Variants in LRP1B observed in about 807,000 individuals in gnomAD.
The protein encoded by LRP1B is low-density lipoprotein receptor-related protein 1B.
LRP1B carries 217 observed loss-of-function variants against 556.6 expected under a neutral mutation model. The observed-to-expected ratio is 0.39, with a 90% CI of 0.35 to 0.44. The LOEUF (loss-of-function observed/expected upper bound fraction) is 0.44. LRP1B is among the 20% of genes least tolerant of loss of function. The pLI, the probability that LRP1B is intolerant of heterozygous loss-of-function variation, is 1.00. For missense variants in LRP1B, 5,053 were observed against 5,620.8 expected (o/e 0.90, Z 3.23); for synonymous variants, 2,047 against 1,865.8 (o/e 1.10, Z -2.50).
At chr2:141,576,419 G>T (rs565280782) in intron 2 of LRP1B, among the ~76,000 whole-genome samples, 3 of 152,258 alleles carry the variant, frequency 2.0e-5, no homozygotes, top group African/African-American at 7.2e-5. Context: ...TGGACACAGA[G>T]AGGGGAACAA....
intron 55 of LRP1B, among the ~76,000 whole-genome samples, chr2:140,501,418 T>G (rs72899890): frequency 0.2 from 30,374 of 151,968 alleles, 3,658 homozygotes; most frequent in Non-Finnish European, 0.27. Context: ...CAGTATTGTC[T>G]CTGATCACTA....
chr2:141,227,409 T>C (rs1358200019), intron 6 of LRP1B, among the ~76,000 whole-genome samples: 1 of 152,242 alleles, frequency 6.6e-6, no homozygotes, highest in Non-Finnish European at 1.5e-5. Flanking sequence ...TTCTAGCTGC[T>C]GCCTAAGCCA....
At chr2:141,516,812 C>A (rs1314246051) in intron 2 of LRP1B, among the ~76,000 whole-genome samples, 1 of 150,948 alleles carries the variant, frequency 6.6e-6, no homozygotes, top group Non-Finnish European at 1.5e-5. Flanking sequence ...ATTCTCTTGC[C>A]TCAGCCTCCC....
chr2:141,590,549 T>C (rs182984257), intron 2 of LRP1B, among the ~76,000 whole-genome samples: 2,158 of 152,198 alleles, frequency 0.014, 30 homozygotes, highest in Non-Finnish European at 0.021. Context: ...GTTTTTTTTA[T>C]AGGCAAGAAA....
At chr2:141,422,650 C>T (rs984037255) in intron 3 of LRP1B, among the ~76,000 whole-genome samples, 12 of 152,174 alleles carry the variant, frequency 7.9e-5, no homozygotes, top group South Asian at 2.1e-4. Context: ...CTTACCTTTA[C>T]GTACATGTCT....
intron 31 of LRP1B, among the ~76,000 whole-genome samples, chr2:140,816,979 A>C (rs1257365387): frequency 1.3e-5 from 2 of 152,298 alleles, no homozygotes; most frequent in East Asian, 3.9e-4. Flanking sequence ...TATTTAAAAA[A>C]ATGAATCACT....
intron 2 of LRP1B, among the ~76,000 whole-genome samples, chr2:141,803,781 TTA>T (rs1696087051): frequency 6.6e-6 from 1 of 152,152 alleles, no homozygotes; most frequent in Non-Finnish European, 1.5e-5. Context: ...GAATTCTATT[TTA>T]TTTCTCTGAC....
At chr2:140,248,606 T>TCA (rs1681271790) in intron 86 of LRP1B, among the ~76,000 whole-genome samples, 1 of 151,602 alleles carries the variant, frequency 6.6e-6, no homozygotes, top group African/African-American at 2.4e-5. Flanking sequence ...TAGAGTTAGG[T>TCA]AATGAAATAG....
intron 3 of LRP1B, among the ~76,000 whole-genome samples, chr2:141,292,053 TG>T (rs1685990881): frequency 6.6e-6 from 1 of 152,126 alleles, no homozygotes; most frequent in South Asian, 2.1e-4. Flanking sequence ...CAGGTGAGCA[TG>T]GGTGAGGTAG....
At position 140,541,829 on chromosome 2, in the gene LRP1B, A is replaced by G. The variant is rs1574060132; in HGVS notation, c.7337T>C (p.Ile2446Thr). Residue 2446 changes from isoleucine to threonine, a missense_variant, in exon 44 of 91, where the codon ATT becomes ACT. Transcript: ENST00000389484. ...GGDTKILRSD[I>T]PHQPMGIIAV... ...TATGATTCCCATTGGCTGATGTGGAATATCGGAACGAAGAATTTTTGTATC... is the reference window on the plus strand; with the variant it reads ...TATGATTCCCATTGGCTGATGTGGAGTATCGGAACGAAGAATTTTTGTATC... The G allele has an allele frequency of 1.2e-6, 2 of 1,612,782 alleles. No homozygotes were observed. Among genetic ancestry groups the G allele is most frequent in the Non-Finnish European group, 1.7e-6 (2 of 1,179,124 alleles).
chr2:140,832,716 T>C (rs1201712317), intron 31 of LRP1B, among the ~76,000 whole-genome samples: 2 of 152,024 alleles, frequency 1.3e-5, no homozygotes, highest in Non-Finnish European at 2.9e-5. Context: ...AGAGAGTTGA[T>C]TGGTGGTTGC....
rs764235888 is a variant in LRP1B, at chr2:140,475,159, C to A, written c.9604G>T (p.Asp3202Tyr). The change falls in exon 60 of 91, where the codon GAT becomes TAT. Residue 3202 changes from aspartate to tyrosine, a missense_variant. Physicochemically the swap from Asp to Tyr is radical, Grantham distance 160. Around this residue, in one of 5 missense-constraint regions of LRP1B, gnomAD observed 262 missense variants for 395.1 expected, o/e 0.66. Coordinates refer to ENST00000389484, the MANE Select transcript of LRP1B (RefSeq NM_018557.3). ...CAACCTTTGTGTCTATGAGATCCAT[C>A]CATGTTGCTAAATTCAATGTGATTT... ...DENHIEFSNM[D>Y]GSHRHKVPNQ... 3.1e-6 allele frequency: 5 copies of A among 1,596,872 alleles called. No individual in the cohort carries two copies. Among genetic ancestry groups the A allele is most frequent in the Admixed American group, 3.5e-5 (2 of 57,194 alleles).
intron 3 of LRP1B, among the ~76,000 whole-genome samples, chr2:141,375,985 C>T (rs778896721): frequency 2.6e-5 from 4 of 152,090 alleles, no homozygotes; most frequent in African/African-American, 4.8e-5. Context: ...AAGAAGCTGT[C>T]GGGAGAGCAG....
intron 2 of LRP1B, among the ~76,000 whole-genome samples, chr2:141,495,185 A>G (rs924437514): frequency 6.6e-6 from 1 of 152,012 alleles, no homozygotes; most frequent in Non-Finnish European, 1.5e-5. Flanking sequence ...TGTTTGAGGG[A>G]CTCCAAAGCT....
intron 1 of LRP1B, among the ~76,000 whole-genome samples, chr2:142,124,378 GACTAAA>G (rs1219751383): frequency 6.6e-6 from 1 of 151,812 alleles, no homozygotes; most frequent in Non-Finnish European, 1.5e-5. Flanking sequence ...CCTAATTGTA[GACTAAA>G]ACTAAGTTAA....
rs541233219 is a variant in LRP1B, at chr2:140,724,238, G to A, written c.5759-7422C>T. On this transcript the variant is annotated intron_variant, in intron 35 of 90. Coordinates refer to ENST00000389484, the MANE Select transcript of LRP1B (RefSeq NM_018557.3). ...AGTGGCTCAAGCCTGCAATCCCAGC[G>A]CTTTGGAAGGCCAAGAAGGGAGGAT... is the stretch of plus-strand genomic sequence containing the variant. 3.3e-5 allele frequency among the ~76,000 whole-genome samples: 5 copies of A among 152,240 alleles called. No homozygotes were observed. The East Asian group carries it at 5.8e-4, about 18-fold the overall frequency.
intron 2 of LRP1B, among the ~76,000 whole-genome samples, chr2:141,800,369 T>G (rs1422814633): frequency 6.6e-6 from 1 of 152,242 alleles, no homozygotes; most frequent in East Asian, 1.9e-4. Context: ...AATTTCCTTT[T>G]GCTTTATTTC....
chr2:141,872,404 A>T (rs980525856), intron 1 of LRP1B, among the ~76,000 whole-genome samples: 2 of 151,978 alleles, frequency 1.3e-5, no homozygotes, highest in African/African-American at 4.8e-5. Flanking sequence ...GATTTGACTT[A>T]AATAATAATA....
chr2:142,129,138 T>C (rs1271081393), intron 1 of LRP1B, among the ~76,000 whole-genome samples: 1 of 152,198 alleles, frequency 6.6e-6, no homozygotes, highest in Non-Finnish European at 1.5e-5. Context: ...CAAACATTTT[T>C]CCTAAGAAAG....
Sources: allele counts gnomAD v4.1 joint callset (sites outside exome capture counted in the v4.1 genomes callset), GRCh38; gene constraint gnomAD v4.1.1; regional missense constraint gnomAD v4.1.1; transcripts MANE v1.5; gene names NCBI Gene and HGNC (gene_info 2026-07-23, HGNC 2026-07-21).